The following DLGAP2 variants were observed in gnomAD, a reference collection of about 807,000 sequenced individuals.
The protein encoded by DLGAP2 is disks large-associated protein 2.
A neutral mutation model predicts 100.3 loss-of-function variants in DLGAP2; 26 were observed. That is an observed-to-expected ratio of 0.26 (90% CI 0.19 to 0.36). DLGAP2 has a LOEUF of 0.36. Ranked by LOEUF, DLGAP2 falls within the 10% of genes least tolerant of loss-of-function variation. DLGAP2 has a pLI of 1.00. For synonymous variants in DLGAP2, 886 were observed against 630.1 expected (o/e 1.41, Z -6.08); for missense variants, 1,858 against 1,453.2 (o/e 1.28, Z -4.53).
intron 2 of DLGAP2, among the ~76,000 whole-genome samples, chr8:1,099,663 A>G (rs1355114105): frequency 6.6e-6 from 1 of 152,230 alleles, no homozygotes; most frequent in Non-Finnish European, 1.5e-5. Flanking sequence ...TGAGATTTCT[A>G]CATTAATTAA....
At chr8:1,234,980 C>T (rs894804820) in intron 2 of DLGAP2, among the ~76,000 whole-genome samples, 3 of 151,874 alleles carry the variant, frequency 2.0e-5, no homozygotes, top group South Asian at 2.1e-4. Context: ...AGTTCTCTCA[C>T]GCATAGCATC....
chr8:1,537,728 T>TGGATGGAA (rs1264371934), intron 4 of DLGAP2, among the ~76,000 whole-genome samples: 3 of 136,564 alleles, frequency 2.2e-5, no homozygotes, highest in East Asian at 4.4e-4. Flanking sequence ...GATGAAAGGA[T>TGGATGGAA]GGAAGGAAGG....
chr8:1,490,932 A>C (rs1253087719), intron 3 of DLGAP2, among the ~76,000 whole-genome samples: 1 of 150,904 alleles, frequency 6.6e-6, no homozygotes, highest in African/African-American at 2.4e-5. Flanking sequence ...CTAAATGATG[A>C]GTTAATGGGT....
chr8:1,458,810 A>G (rs1355892322), intron 3 of DLGAP2, among the ~76,000 whole-genome samples: 1 of 152,180 alleles, frequency 6.6e-6, no homozygotes, highest in South Asian at 2.1e-4. Flanking sequence ...CAGGAGTGGG[A>G]GAAGGCAGCC....
At position 1,708,072 on chromosome 8, in the gene DLGAP2, T is replaced by C. The variant is rs1799752310; in HGVS notation, c.*6666T>C. ...TTAAGGATTGCTTTATTTGTGTTCT[T>C]TTTTCCCATGACTTTTTTTCACTCT... On this transcript the variant is annotated 3_prime_UTR_variant, in exon 15 of 15. Coordinates refer to ENST00000637795, the MANE Select transcript of DLGAP2 (RefSeq NM_001346810.2). 2 of 152,410 alleles carry C rather than the reference T, an allele frequency of 1.3e-5. No individual in the cohort carries two copies. The highest frequency in any genetic ancestry group is 6.5e-5 in the Admixed American group (1 of 15,288). The allele number at this position is 152,410 out of a possible 1,614,324, so 9.4% of individuals were successfully genotyped here.
At chr8:1,085,435 C>A (rs960994543) in intron 2 of DLGAP2, among the ~76,000 whole-genome samples, 3 of 152,140 alleles carry the variant, frequency 2.0e-5, no homozygotes, top group African/African-American at 4.8e-5. Flanking sequence ...TCACCCAGAC[C>A]AATATTATGT....
intron 2 of DLGAP2, among the ~76,000 whole-genome samples, chr8:1,008,908 A>T (rs373038886): frequency 4.6e-5 from 7 of 152,224 alleles, no homozygotes; most frequent in African/African-American, 1.4e-4. Flanking sequence ...TGACACCCAG[A>T]TGCAACCCTG....
chr8:947,792 A>G (rs1415181485), intron 2 of DLGAP2, among the ~76,000 whole-genome samples: 4 of 151,666 alleles, frequency 2.6e-5, no homozygotes, highest in Admixed American at 6.6e-5. Flanking sequence ...AGCATGTGCC[A>G]TGGCTCCCCG....
At chr8:1,466,023 G>A (rs953453274) in intron 3 of DLGAP2, among the ~76,000 whole-genome samples, 5 of 152,170 alleles carry the variant, frequency 3.3e-5, no homozygotes, top group South Asian at 4.1e-4. Context: ...GTCATGAGGC[G>A]GGCACCGTGG....
intron 2 of DLGAP2, among the ~76,000 whole-genome samples, chr8:1,201,490 G>C (rs1411480156): frequency 6.6e-6 from 1 of 152,238 alleles, no homozygotes; most frequent in African/African-American, 2.4e-5. Flanking sequence ...AAGGAAGCCA[G>C]GTCCTGGGGA....
chr8:1,026,816 C>T (rs921207932), intron 2 of DLGAP2, among the ~76,000 whole-genome samples: 20 of 152,334 alleles, frequency 1.3e-4, no homozygotes, highest in Admixed American at 4.6e-4. Context: ...TGAAAATACC[C>T]ATGAGATTAA....
chr8:853,773 G>A (rs959833719), intron 1 of DLGAP2, among the ~76,000 whole-genome samples: 2 of 152,090 alleles, frequency 1.3e-5, no homozygotes, highest in South Asian at 4.2e-4. Flanking sequence ...TGATTGCTAG[G>A]GACTGAACCA....
At chr8:1,379,207 C>T (rs1339850450) in intron 3 of DLGAP2, among the ~76,000 whole-genome samples, 4 of 152,282 alleles carry the variant, frequency 2.6e-5, no homozygotes, top group Admixed American at 2.0e-4. Flanking sequence ...AGCCCGAGTC[C>T]TCCTGCCTTC....
chr8:1,172,289 C>G (rs1241876082), intron 2 of DLGAP2, among the ~76,000 whole-genome samples: 1 of 152,098 alleles, frequency 6.6e-6, no homozygotes, highest in Admixed American at 6.6e-5. Context: ...GTGGGTAACC[C>G]GACCTTTCTC....
chr8:982,512 G>A (rs1356928790), intron 2 of DLGAP2, among the ~76,000 whole-genome samples: 3 of 152,152 alleles, frequency 2.0e-5, no homozygotes, highest in African/African-American at 4.8e-5. Flanking sequence ...AGATTTTTAT[G>A]AAGTGATAGA....
chr8:1,292,422 C>G (rs991446977), intron 3 of DLGAP2, among the ~76,000 whole-genome samples: 1 of 152,178 alleles, frequency 6.6e-6, no homozygotes, highest in South Asian at 2.1e-4. Context: ...GAGGATGGGA[C>G]AGTGCGCTGT....
intron 2 of DLGAP2, among the ~76,000 whole-genome samples, chr8:993,779 C>CTGAT (rs1471828703): frequency 1.5e-5 from 2 of 130,924 alleles, no homozygotes. Context: ...TGCAAGCAAA[C>CTGAT]TGATTGGCTT....
intron 3 of DLGAP2, among the ~76,000 whole-genome samples, chr8:1,284,580 G>T (rs528366713): frequency 9.9e-5 from 15 of 152,222 alleles, no homozygotes; most frequent in African/African-American, 3.4e-4. Flanking sequence ...TTGCTCTTCT[G>T]TCCATCACAA....
chr8:1,325,275 C>G (rs181973968), intron 3 of DLGAP2, among the ~76,000 whole-genome samples: 2 of 152,296 alleles, frequency 1.3e-5, no homozygotes, highest in East Asian at 3.9e-4. Flanking sequence ...GATGGTCTCA[C>G]CAAGCTTTCT....
Sources: gnomAD v4.1 joint callset for allele counts (sites outside exome capture counted in the v4.1 genomes callset) on GRCh38, gnomAD v4.1.1 for gene constraint, MANE v1.5 for transcripts, NCBI Gene and HGNC (gene_info 2026-07-23, HGNC 2026-07-21) for gene names.